Variants in EYS observed in about 807,000 individuals in gnomAD.
EYS encodes the protein protein eyes shut homolog.
Under a neutral mutation model 282.1 loss-of-function variants are expected in EYS, and 250 were observed. That is an observed-to-expected ratio of 0.89 (90% CI 0.80 to 0.98). The LOEUF (loss-of-function observed/expected upper bound fraction) is 0.98. Ranked by LOEUF, EYS falls within the 50% of genes least tolerant of loss-of-function variation. EYS has a pLI of 0.00. For missense variants in EYS, 4,016 were observed against 3,709.0 expected, an observed-to-expected ratio of 1.08 and a Z score of -2.15; for synonymous variants, 1,355 against 1,282.9, an observed-to-expected ratio of 1.06 and a Z score of -1.20.
At chr6:65,236,510 C>T (rs1415320950) in intron 12 of EYS, among the ~76,000 whole-genome samples, 1 of 151,934 alleles carries the variant, frequency 6.6e-6, no homozygotes, top group African/African-American at 2.4e-5. Context: ...ACTAGGGAGG[C>T]CGAGGCAGAA....
chr6:64,098,584 A>G (rs1344411286), intron 31 of EYS, among the ~76,000 whole-genome samples: 1 of 151,456 alleles, frequency 6.6e-6, no homozygotes, highest in Non-Finnish European at 1.5e-5. Context: ...CAAATGTGTT[A>G]GTAATGTTTT....
At chr6:65,621,591 T>C (rs1264233612) in intron 2 of EYS, among the ~76,000 whole-genome samples, 1 of 151,634 alleles carries the variant, frequency 6.6e-6, no homozygotes, top group Non-Finnish European at 1.5e-5. Context: ...TTTGATCCTG[T>C]CATTATGATG....
chr6:65,243,423 A>G (rs1767102595), intron 12 of EYS, among the ~76,000 whole-genome samples: 1 of 152,090 alleles, frequency 6.6e-6, no homozygotes, highest in African/African-American at 2.4e-5. Flanking sequence ...TTGGGGGGTG[A>G]AGGAACTTCT....
rs1274180853 is a variant in EYS at position 64,617,491 on chromosome 6, G to C, written c.3611C>G (p.Pro1204Arg). Residue 1204 changes from proline (P) to arginine (R), a missense_variant, in exon 24 of 43, where the codon CCC becomes CGC. Physicochemically the swap from Pro to Arg is moderately radical, Grantham distance 103 (BLOSUM62 -2). Coordinates refer to ENST00000503581, the MANE Select transcript of EYS (RefSeq NM_001142800.2). ...GCAGAGTTCATGAACACATGAGTTG[G>C]GAATGCACTCAAGCTCATTCTCACA... ...HHCENELECIPNSCVHELCME... is the reference protein window; with the variant it reads ...HHCENELECIRNSCVHELCME... The C allele has an allele frequency of 1.9e-6, 3 of 1,550,538 alleles. No homozygotes were observed. The highest frequency in any genetic ancestry group is 1.4e-5 in the African/African-American group (1 of 72,924).
intron 2 of EYS, among the ~76,000 whole-genome samples, chr6:65,580,470 G>T (rs1764828490): frequency 6.6e-6 from 1 of 152,030 alleles, no homozygotes; most frequent in Admixed American, 6.6e-5. Context: ...AGACTAAGAA[G>T]ATTTAGGACA....
chr6:64,616,417 CTGTT>C (rs1767277339), intron 24 of EYS, among the ~76,000 whole-genome samples: 2 of 152,090 alleles, frequency 1.3e-5, no homozygotes, highest in Admixed American at 1.3e-4. Flanking sequence ...AGGAAGATAT[CTGTT>C]TGAGCTCATT....
intron 19 of EYS, among the ~76,000 whole-genome samples, chr6:64,872,672 G>A (rs1389383223): frequency 6.6e-6 from 1 of 151,998 alleles, no homozygotes; most frequent in Non-Finnish European, 1.5e-5. Context: ...TAAAGCCTCA[G>A]TTGAAATCTA....
At chr6:65,284,932 T>C (rs1205123518) in intron 12 of EYS, among the ~76,000 whole-genome samples, 1 of 152,022 alleles carries the variant, frequency 6.6e-6, no homozygotes, top group Non-Finnish European at 1.5e-5. Flanking sequence ...TGTAATGAAA[T>C]AAAAACACTA....
intron 28 of EYS, among the ~76,000 whole-genome samples, chr6:64,409,000 A>T (rs1338819): frequency 1.3e-5 from 2 of 151,814 alleles, no homozygotes; most frequent in African/African-American, 4.8e-5. Flanking sequence ...TTTGTTTCCA[A>T]GTGTACTCAT....
chr6:64,302,154 C>T (rs935595722), intron 30 of EYS, among the ~76,000 whole-genome samples: 2 of 152,160 alleles, frequency 1.3e-5, no homozygotes, highest in African/African-American at 4.8e-5. Context: ...CAATGATCAA[C>T]CAGACCTTCA....
intron 29 of EYS, among the ~76,000 whole-genome samples, chr6:64,335,102 A>C (rs1323281877): frequency 6.6e-6 from 1 of 152,078 alleles, no homozygotes; most frequent in Non-Finnish European, 1.5e-5. Context: ...GAAATAGCTA[A>C]CTGTAGTGCT....
intron 19 of EYS, among the ~76,000 whole-genome samples, chr6:64,870,344 G>C (rs1428237330): frequency 6.6e-6 from 1 of 151,398 alleles, no homozygotes; most frequent in Non-Finnish European, 1.5e-5. Context: ...TTACAACTTA[G>C]GGTGATCCTT....
intron 13 of EYS, among the ~76,000 whole-genome samples, chr6:65,007,188 A>T (rs1166858647): frequency 6.6e-6 from 1 of 152,078 alleles, no homozygotes; most frequent in Non-Finnish European, 1.5e-5. Context: ...GTGGTTACGC[A>T]CCTAGAAAGG....
chr6:65,579,520 A>G (rs1764796682), intron 2 of EYS, among the ~76,000 whole-genome samples: 2 of 152,236 alleles, frequency 1.3e-5, no homozygotes, highest in Non-Finnish European at 1.5e-5. Context: ...CAGTTCTGGA[A>G]GCTGAAACTT....
chr6:65,563,374 A>AGG (rs3049792), intron 2 of EYS, among the ~76,000 whole-genome samples: 15,787 of 152,144 alleles, frequency 0.1, 972 homozygotes, highest in South Asian at 0.19. Context: ...TTACAGAGTA[A>AGG]TTGCAGGAGA....
chr6:65,699,550 C>T (rs1188522219), intron 1 of EYS, among the ~76,000 whole-genome samples: 1 of 152,148 alleles, frequency 6.6e-6, no homozygotes, highest in Non-Finnish European at 1.5e-5. Context: ...AAAAGTCTGA[C>T]ATGAACATGT....
At chr6:64,130,004 C>A (rs1035432092) in intron 31 of EYS, among the ~76,000 whole-genome samples, 16 of 152,170 alleles carry the variant, frequency 1.1e-4, no homozygotes, top group African/African-American at 3.6e-4. Flanking sequence ...TGTTTTGGTA[C>A]CAGTACCATG....
chr6:65,286,699 C>G (rs1768377077), intron 12 of EYS, among the ~76,000 whole-genome samples: 1 of 151,496 alleles, frequency 6.6e-6, no homozygotes, highest in Non-Finnish European at 1.5e-5. Context: ...AACAAGCTAT[C>G]AAAATAAAGT....
chr6:64,728,479 C>T (rs147028362), intron 22 of EYS, among the ~76,000 whole-genome samples: 2,341 of 152,112 alleles, frequency 0.015, 48 homozygotes, highest in African/African-American at 0.052. Flanking sequence ...GGGCTACAGG[C>T]GCCCGCCACC....
Sources: gnomAD v4.1 joint callset for allele counts (sites outside exome capture counted in the v4.1 genomes callset) on GRCh38, gnomAD v4.1.1 for gene constraint, MANE v1.5 for transcripts, NCBI Gene and HGNC (gene_info 2026-07-23, HGNC 2026-07-21) for gene names.